The following ZFR2 variants were observed in gnomAD, a reference collection of about 807,000 sequenced individuals.
The protein encoded by ZFR2 is zinc finger RNA-binding protein 2.
ZFR2 carries 104 observed loss-of-function variants against 105.7 expected under a neutral mutation model. That is an observed-to-expected ratio of 0.98 (90% CI 0.84 to 1.16). The LOEUF is 1.16. Among genes scored for constraint, ZFR2 ranks in the 50% most tolerant of loss-of-function variants. The pLI is 0.00. For synonymous variants in ZFR2, 634 were observed against 597.7 expected (o/e 1.06, Z -0.89); for missense variants, 1,425 against 1,355.5 (o/e 1.05, Z -0.80).
At chr19:3,835,797 A>G (rs920799588) in intron 1 of ZFR2, among the ~76,000 whole-genome samples, 1 of 151,956 alleles carries the variant, frequency 6.6e-6, no homozygotes. Context: ...TTAAAAAAAA[A>G]CAAACAATTA....
At chr19:3,835,045 G>A in intron 1 of ZFR2, 62 bp from the exon 2 acceptor site, 4 of 1,525,364 alleles carry the variant, frequency 2.6e-6, no homozygotes, top group Non-Finnish European at 3.5e-6. Flanking sequence ...GGTGCACTGA[G>A]TTGACGGTGT....
chr19:3,834,706 A>C lies in ZFR2; in HGVS notation c.264+67T>G. ...GAGAAGGAGTAGCTGTGGGAAGCCCACCGCTCTCACCCATGCAAGGCGACC... is the reference window on the plus strand; with the variant it reads ...GAGAAGGAGTAGCTGTGGGAAGCCCCCCGCTCTCACCCATGCAAGGCGACC... On this transcript the variant is annotated intron_variant, in intron 2 of 18. Transcript: ENST00000262961. The surrounding 1 kb of genome is among the most constrained non-coding windows in gnomAD (Gnocchi z 5.3). The C allele has an allele frequency of 2.7e-6, 4 of 1,507,740 alleles. No homozygotes were observed. The highest frequency in any genetic ancestry group is 3.7e-5 in the Admixed American group (2 of 53,654). 93.4% of individuals were successfully genotyped at this position (1,507,740 alleles called of 1,614,324 possible). A position where few individuals can be genotyped will look rare whatever the true frequency, so the allele number is the denominator to read the frequency against.
At chr19:3,810,625 C>T (rs2037752339) in intron 16 of ZFR2, 125 bp downstream of exon 16, 1 of 891,578 alleles carries the variant, frequency 1.1e-6, no homozygotes, top group Admixed American at 3.0e-5. Flanking sequence ...ACGGCCTCTC[C>T]TGAGTACTAG....
At chr19:3,830,477 G>A (rs1165928635) in intron 5 of ZFR2, among the ~76,000 whole-genome samples, 1 of 152,096 alleles carries the variant, frequency 6.6e-6, no homozygotes, top group Non-Finnish European at 1.5e-5. Flanking sequence ...CTGCAAAGAA[G>A]GCCGGGGTCT....
Position 3,813,667 on chromosome 19 carries a change from A to G in ZFR2, c.2242+153T>C, listed in dbSNP as rs1347075833. ...CGGAGACCCAGCTCTTGTGTGACCC[A>G]TGGAATCCTCAGGGGGACAGCAGTG... On this transcript the variant is annotated intron_variant, in intron 14 of 18. Transcript: ENST00000262961. This position sits in a 1 kb window ranked among gnomAD's most constrained non-coding sequence, Gnocchi z 4.4. Among the ~76,000 whole-genome samples, 1 of 152,096 alleles carries G rather than the reference A, an allele frequency of 6.6e-6. No homozygotes were observed. Among genetic ancestry groups the G allele is most frequent in the African/African-American group, 2.4e-5 (1 of 41,406 alleles).
intron 13 of ZFR2, 117 bp from the exon 14 acceptor site, chr19:3,814,075 G>C: frequency 6.8e-7 from 1 of 1,462,058 alleles, no homozygotes; most frequent in Non-Finnish European, 9.2e-7. Context: ...CACACTTGCT[G>C]CCTGGGTGCC....
chr19:3,807,129 C>T (rs887027602), intron 18 of ZFR2, 43 bp downstream of exon 18: 2 of 1,437,206 alleles, frequency 1.4e-6, no homozygotes, highest in African/African-American at 2.8e-5. Context: ...CAAGCCGGAG[C>T]TGGGGCCTGG....
Position 3,827,515 on chromosome 19 carries a change from C to T in ZFR2, c.991G>A (p.Ala331Thr). Residue 331 changes from alanine to threonine, a missense_variant, in exon 6 of 19, where the codon GCG (alanine) becomes ACG (threonine). Ala to Thr is a moderately conservative substitution (Grantham distance 58). Coordinates refer to ENST00000262961, the MANE Select transcript of ZFR2 (RefSeq NM_015174.2). ...CDLCAVSCTGADAYAAHIRGS... is the reference protein window; with the variant it reads ...CDLCAVSCTGTDAYAAHIRGS... ...CGGATGTGGGCCGCGTAGGCGTCCG[C>T]CCCGGTGCAGGACACGGCGCACAGG... 1 of 1,557,998 alleles carries T rather than the reference C, an allele frequency of 6.4e-7. No individual in the cohort carries two copies. The highest frequency in any genetic ancestry group is 8.7e-7 in the Non-Finnish European group (1 of 1,151,794).
rs1437627432 is a variant in ZFR2, at chr19:3,831,703, G to A, written c.555C>T (p.Ser185=). 1.9e-6 allele frequency: 3 copies of A among 1,585,714 alleles called. No individual in the cohort carries two copies. The highest frequency in any genetic ancestry group is 2.6e-6 in the Non-Finnish European group (3 of 1,164,640). Residue 185 remains serine, a synonymous_variant, in exon 4 of 19, where the codon TCC becomes TCT. Transcript: ENST00000262961. ...TGGGGTTGTAGGAGGGCGGGGGGTA[G>A]GAGGTCACGATGGAAGCTGACGACT... ...QPESSASIVT[S]YPPPSYNPTC...
intron 5 of ZFR2, among the ~76,000 whole-genome samples, chr19:3,829,501 T>G (rs891231461): frequency 2.6e-5 from 4 of 151,568 alleles, no homozygotes; most frequent in Admixed American, 6.6e-5. Flanking sequence ...GTTGTTGTTG[T>G]TGGTTTTTGG....
rs1007480233 is a variant in ZFR2 at position 3,813,380 on chromosome 19, C to T, written c.2242+440G>A. 2.6e-4 allele frequency among the ~76,000 whole-genome samples: 40 copies of T among 152,238 alleles called. No homozygotes were observed. The highest frequency in any genetic ancestry group is 1.2e-3 in the East Asian group (6 of 5,158). ...CTGGCAGGTCTGGCTTTAAGACCCC[C>T]GATTCCCTACATTCCTAATCAGTGG... On this transcript the variant is annotated intron_variant, in intron 14 of 18. Transcript: ENST00000262961. This position sits in a 1 kb window ranked among gnomAD's most constrained non-coding sequence, Gnocchi z 4.4.
intron 1 of ZFR2, among the ~76,000 whole-genome samples, chr19:3,851,096 A>C (rs2038233345): frequency 1.3e-5 from 2 of 152,090 alleles, no homozygotes; most frequent in African/African-American, 4.8e-5. Context: ...TTTAAGCCTC[A>C]GTCTGTGGTA....
At chr19:3,842,544 T>C (rs1158827272) in intron 1 of ZFR2, among the ~76,000 whole-genome samples, 1 of 152,198 alleles carries the variant, frequency 6.6e-6, no homozygotes, top group Non-Finnish European at 1.5e-5. Flanking sequence ...CCATTTAAAG[T>C]ATAAAATGTA....
In ZFR2 at chr19:3,811,356, C is replaced by T. The variant is rs764121976; in HGVS notation, c.2253G>A (p.Glu751=). The T allele has an allele frequency of 6.3e-7, 1 of 1,594,496 alleles. No homozygotes were observed. Among genetic ancestry groups the T allele is most frequent in the Non-Finnish European group, 8.5e-7 (1 of 1,171,536 alleles). ...GGACATCACCTGCATCAGCCTGAGG[C>T]TCCTCCACACCTTCTAGAAGAAAAA... ...EDPSTDPGVE[E]PQADAGDVLS... Residue 751 remains glutamate, a synonymous_variant, in exon 15 of 19, where the codon GAG becomes GAA. Coordinates refer to ENST00000262961, the MANE Select transcript of ZFR2 (RefSeq NM_015174.2).
At chr19:3,868,271 G>GATCTCTGTTTTCTCCTCCCCT (rs1382244155) in intron 1 of ZFR2, among the ~76,000 whole-genome samples, 1 of 149,124 alleles carries the variant, frequency 6.7e-6, no homozygotes, top group Non-Finnish European at 1.5e-5. Context: ...AACCCTCGCT[G>GATCTCTGTTTTCTCCTCCCCT]ATCTCTGTTT....
chr19:3,842,138 G>T (rs1172777309), intron 1 of ZFR2, among the ~76,000 whole-genome samples: 2 of 151,716 alleles, frequency 1.3e-5, no homozygotes, highest in Non-Finnish European at 2.9e-5. Flanking sequence ...TCAACCTCCT[G>T]AGTAGCTGGG....
In ZFR2 at chr19:3,813,986, C is replaced by T. The variant is rs748768494; in HGVS notation, c.2104-28G>A. On this transcript the variant is annotated intron_variant, in intron 13 of 18. Transcript: ENST00000262961. The surrounding 1 kb of genome is among the most constrained non-coding windows in gnomAD (Gnocchi z 4.4). ...GGGAGGGGTAAATACAACACAAGGC[C>T]ACCTTACTGCAGCCCAGATTCATGT... The T allele has an allele frequency of 6.2e-7, 1 of 1,612,344 alleles. No homozygotes were observed. Among genetic ancestry groups the T allele is most frequent in the Non-Finnish European group, 8.5e-7 (1 of 1,179,296 alleles).
At chr19:3,809,349 A>C (rs1429562377) in intron 16 of ZFR2, among the ~76,000 whole-genome samples, 3 of 152,096 alleles carry the variant, frequency 2.0e-5, no homozygotes, top group Non-Finnish European at 1.5e-5. Context: ...CGGCCGGTCC[A>C]CAGTGACATC....
At chr19:3,833,075 C>T (rs2038036496) in intron 3 of ZFR2, among the ~76,000 whole-genome samples, 2 of 151,302 alleles carry the variant, frequency 1.3e-5, no homozygotes, top group African/African-American at 2.4e-5. Context: ...AGTGAAACCC[C>T]GTTTCTACTA....
Sources: allele counts gnomAD v4.1 joint callset (sites outside exome capture counted in the v4.1 genomes callset), GRCh38; gene constraint gnomAD v4.1.1; non-coding constraint Gnocchi (gnomAD v3.1); transcripts MANE v1.5; gene names NCBI Gene and HGNC (gene_info 2026-07-23, HGNC 2026-07-21).